Variants in CSMD2 observed in about 807,000 individuals in gnomAD.
The protein encoded by CSMD2 is CUB and Sushi multiple domains 2, also known as CUB and sushi domain-containing protein 2.
Under a neutral mutation model 398.5 loss-of-function variants are expected in CSMD2, and 130 were observed. The ratio of observed to expected loss-of-function variants is 0.33; its 90% CI spans 0.28 to 0.38. The LOEUF is 0.38. CSMD2 is among the 10% of genes least tolerant of loss of function. The pLI is 1.00. For missense variants in CSMD2, 3,829 were observed against 4,764.9 expected (o/e 0.80, Z 5.78); for synonymous variants, 1,828 against 1,908.5 (o/e 0.96, Z 1.10).
chr1:33,723,300 A>ACT (rs1433013126), intron 19 of CSMD2, among the ~76,000 whole-genome samples: 4 of 152,362 alleles, frequency 2.6e-5, no homozygotes, highest in South Asian at 2.1e-4. Flanking sequence ...CTGAAAACAT[A>ACT]GATGCCTGGT....
chr1:34,052,495 C>CTGTGTGTGTGTGTGTGTGTG lies in CSMD2; in HGVS notation c.405-19809_405-19790dup, dbSNP rs143571706. Among the ~76,000 whole-genome samples, 724 of 134,128 alleles carry CTGTGTGTGTGTGTGTGTGTG rather than the reference C, an allele frequency of 5.4e-3. 6 individuals carry two copies. Among genetic ancestry groups the CTGTGTGTGTGTGTGTGTGTG allele is most frequent in the African/African-American group, 0.019 (680 of 34,948 alleles). The allele number at this position is 134,128 out of a possible 152,430, so 88.0% of individuals were successfully genotyped here. ...GAGAAATCAATCCCCTATGGGACAA[C>CTGTGTGTGTGTGTGTGTGTG]TGTGTGTGTGTGTGTGTGTGTGTGT... On this transcript the variant is annotated intron_variant, in intron 2 of 70. Coordinates refer to ENST00000373381, the MANE Select transcript of CSMD2 (RefSeq NM_001281956.2).
intron 15 of CSMD2, among the ~76,000 whole-genome samples, chr1:33,733,798 C>T (rs1646796451): frequency 1.3e-5 from 2 of 152,162 alleles, no homozygotes; most frequent in African/African-American, 4.8e-5. Context: ...CTGAGGCCTC[C>T]CCAGCAATGT....
At chr1:33,718,423 G>A (rs1410108469) in intron 19 of CSMD2, among the ~76,000 whole-genome samples, 2 of 152,210 alleles carry the variant, frequency 1.3e-5, no homozygotes, top group African/African-American at 4.8e-5. Context: ...TGATGTGACA[G>A]ATGCACACAC....
chr1:33,648,044 T>C (rs1252849298), intron 28 of CSMD2, among the ~76,000 whole-genome samples: 1 of 152,164 alleles, frequency 6.6e-6, no homozygotes, highest in Non-Finnish European at 1.5e-5. Flanking sequence ...TCAAAACCAT[T>C]GTGCCTAGAT....
rs1300155992 is a variant in CSMD2 at position 33,537,327 on chromosome 1, T to C, written c.9805+109A>G. 2.4e-6 allele frequency: 3 copies of C among 1,271,956 alleles called. No homozygotes were observed. The highest frequency in any genetic ancestry group is 1.5e-5 in the African/African-American group (1 of 67,180). 78.8% of individuals were successfully genotyped at this position (1,271,956 alleles called of 1,614,324 possible). A position where few individuals can be genotyped will look rare whatever the true frequency, so the allele number is the denominator to read the frequency against. On this transcript the variant is annotated intron_variant, in intron 61 of 70. Coordinates refer to ENST00000373381, the MANE Select transcript of CSMD2 (RefSeq NM_001281956.2). The surrounding 1 kb of genome is among the most constrained non-coding windows in gnomAD (Gnocchi z 4.6). ...AGCTCAGAGGATGAGATGTTCCCTT[T>C]TGCAGATGAGACCACTGAAGACAGG...
chr1:34,014,117 G>A (rs1365759900), intron 3 of CSMD2, among the ~76,000 whole-genome samples: 2 of 152,186 alleles, frequency 1.3e-5, no homozygotes. Flanking sequence ...CCTTCAAACT[G>A]TCTGGAAGAT....
intron 1 of CSMD2, among the ~76,000 whole-genome samples, chr1:34,155,849 A>G (rs965832180): frequency 6.6e-6 from 1 of 152,214 alleles, no homozygotes; most frequent in East Asian, 1.9e-4. Flanking sequence ...TTCCAAGTCC[A>G]TCATTGCATA....
At chr1:34,098,875 G>A (rs1024473315) in intron 1 of CSMD2, among the ~76,000 whole-genome samples, 1 of 151,812 alleles carries the variant, frequency 6.6e-6, no homozygotes, top group Non-Finnish European at 1.5e-5. Flanking sequence ...AGCTGTGGAG[G>A]ATACTACAAG....
intron 3 of CSMD2, among the ~76,000 whole-genome samples, chr1:33,950,954 A>C (rs985533973): frequency 6.6e-6 from 1 of 152,228 alleles, no homozygotes; most frequent in African/African-American, 2.4e-5. Flanking sequence ...AAAGCTGTTA[A>C]TTCCAGCTCC....
intron 10 of CSMD2, chr1:33,804,938 C>A (rs548834340): frequency 1.4e-6 from 1 of 715,884 alleles, no homozygotes; most frequent in African/African-American, 1.7e-5. Context: ...TTCTGGGCTC[C>A]CTCAGCACTA....
rs1641496201 is a variant in CSMD2, at chr1:34,163,010, A to C, written c.187+1901T>G. ...CTCTACTGAGCAAGGAGCTGCGAGC[A>C]AATGGATCTCTATAGGGCAGGATTC... On this transcript the variant is annotated intron_variant, in intron 1 of 70. Transcript: ENST00000373381. This position sits in a 1 kb window ranked among gnomAD's most constrained non-coding sequence, Gnocchi z 5.4. Among the ~76,000 whole-genome samples, 1 of 152,238 alleles carries C rather than the reference A, an allele frequency of 6.6e-6. No individual in the cohort carries two copies. The highest frequency in any genetic ancestry group is 1.5e-5 in the Non-Finnish European group (1 of 68,044).
chr1:33,843,316 T>C (rs10798999), intron 6 of CSMD2, among the ~76,000 whole-genome samples: 43,435 of 152,166 alleles, frequency 0.29, 6,585 homozygotes, highest in South Asian at 0.45. Context: ...TTAGGTAAAA[T>C]TGTGTCTGGC....
At chr1:34,086,426 C>T (rs1330815529) in intron 2 of CSMD2, among the ~76,000 whole-genome samples, 1 of 152,194 alleles carries the variant, frequency 6.6e-6, no homozygotes, top group Non-Finnish European at 1.5e-5. Context: ...GTGCCTTCTC[C>T]ACCTGGATAT....
At chr1:33,968,980 C>T (rs1484557907) in intron 3 of CSMD2, among the ~76,000 whole-genome samples, 1 of 152,168 alleles carries the variant, frequency 6.6e-6, no homozygotes, top group African/African-American at 2.4e-5. Flanking sequence ...TCACATGTCC[C>T]CCTTGGCATG....
chr1:33,988,972 C>A (rs1646452396), intron 3 of CSMD2, among the ~76,000 whole-genome samples: 1 of 136,142 alleles, frequency 7.3e-6, no homozygotes, highest in Non-Finnish European at 1.6e-5. Context: ...CAAGAGAAAA[C>A]CTTCATGGCT....
intron 44 of CSMD2, among the ~76,000 whole-genome samples, chr1:33,588,321 C>T (rs1280244435): frequency 6.6e-6 from 1 of 152,066 alleles, no homozygotes; most frequent in Non-Finnish European, 1.5e-5. Context: ...TTTAGGTTTC[C>T]AAAGTTTTGC....
At chr1:34,068,642 G>A (rs561004741) in intron 2 of CSMD2, among the ~76,000 whole-genome samples, 2 of 152,276 alleles carry the variant, frequency 1.3e-5, no homozygotes, top group Non-Finnish European at 1.5e-5. Context: ...CCATTCCAGT[G>A]TGTAACTGAG....
chr1:34,146,086 C>T (rs1481931597), intron 1 of CSMD2, among the ~76,000 whole-genome samples: 2 of 152,176 alleles, frequency 1.3e-5, no homozygotes, highest in African/African-American at 4.8e-5. Context: ...CAGGGTCTCA[C>T]TCTGTCACCC....
intron 13 of CSMD2, among the ~76,000 whole-genome samples, chr1:33,749,984 A>T (rs1055124273): frequency 6.6e-6 from 1 of 152,208 alleles, no homozygotes; most frequent in Non-Finnish European, 1.5e-5. Context: ...ACAATGACAC[A>T]CCTACAGTAT....
Sources: allele counts gnomAD v4.1 joint callset (sites outside exome capture counted in the v4.1 genomes callset), GRCh38; gene constraint gnomAD v4.1.1; non-coding constraint Gnocchi (gnomAD v3.1); transcripts MANE v1.5; gene names NCBI Gene and HGNC (gene_info 2026-07-23, HGNC 2026-07-21).